Variants in ADGRV1 observed in about 807,000 individuals in gnomAD.
ADGRV1 encodes the protein adhesion G protein-coupled receptor V1.
A neutral mutation model predicts 596.2 loss-of-function variants in ADGRV1; 359 were observed. The observed-to-expected ratio is 0.60, with a 90% CI of 0.55 to 0.66. ADGRV1 has a LOEUF of 0.66. Ranked by LOEUF, ADGRV1 falls within the 30% of genes least tolerant of loss-of-function variation. ADGRV1 has a pLI of 0.00. For missense variants in ADGRV1, 7,274 were observed against 7,575.6 expected, an observed-to-expected ratio of 0.96 and a Z score of 1.48; for synonymous variants, 2,681 against 2,679.2, an observed-to-expected ratio of 1.00 and a Z score of -0.02.
intron 87 of ADGRV1, among the ~76,000 whole-genome samples, chr5:91,115,522 A>G (rs1440208477): frequency 2.0e-5 from 3 of 152,216 alleles, no homozygotes; most frequent in Admixed American, 6.5e-5. Context: ...CACCAAAACT[A>G]AAACAATAAA....
intron 71 of ADGRV1, among the ~76,000 whole-genome samples, chr5:90,803,278 TC>T: frequency 6.6e-6 from 1 of 152,298 alleles, no homozygotes; most frequent in Non-Finnish European, 1.5e-5. Flanking sequence ...GATGGTCAGA[TC>T]CTGTGATATG....
intron 31 of ADGRV1, 73 bp downstream of exon 31, chr5:90,691,114 T>G: frequency 1.9e-6 from 3 of 1,544,602 alleles, no homozygotes; most frequent in Non-Finnish European, 2.7e-6. Context: ...CAGATGGCCA[T>G]TGTAACATTT....
At chr5:91,085,240 A>G (rs1305426810) in intron 86 of ADGRV1, among the ~76,000 whole-genome samples, 1 of 152,166 alleles carries the variant, frequency 6.6e-6, no homozygotes. Context: ...AAAAAATATT[A>G]TATATGTATA....
At chr5:90,720,491 T>C (rs1750772391) in intron 44 of ADGRV1, among the ~76,000 whole-genome samples, 1 of 152,216 alleles carries the variant, frequency 6.6e-6, no homozygotes, top group Non-Finnish European at 1.5e-5. Flanking sequence ...TGTACTATTT[T>C]GTGTTTTAAA....
chr5:90,759,197 A>T (rs1325550017), intron 57 of ADGRV1, among the ~76,000 whole-genome samples: 2 of 152,242 alleles, frequency 1.3e-5, no homozygotes, highest in African/African-American at 2.4e-5. Context: ...ATAAATATAC[A>T]TGCCATAAAT....
intron 77 of ADGRV1, among the ~76,000 whole-genome samples, chr5:90,829,865 A>T (rs1307870837): frequency 6.6e-6 from 1 of 152,158 alleles, no homozygotes; most frequent in East Asian, 1.9e-4. Flanking sequence ...TGTTAGGATC[A>T]TAGCTGACCC....
chr5:90,952,233 T>G (rs1777119723), intron 83 of ADGRV1, among the ~76,000 whole-genome samples: 1 of 152,180 alleles, frequency 6.6e-6, no homozygotes, highest in Non-Finnish European at 1.5e-5. Flanking sequence ...CCTCCCTCTG[T>G]TTTCTCTCTG....
At chr5:90,732,788 C>G (rs530650176) in intron 50 of ADGRV1, among the ~76,000 whole-genome samples, 1 of 152,286 alleles carries the variant, frequency 6.6e-6, no homozygotes, top group South Asian at 2.1e-4. Flanking sequence ...CTGCTAAGTT[C>G]TGTACACTCA....
chr5:90,823,380 G>T, intron 75 of ADGRV1, 45 bp from the exon 76 acceptor site: 1 of 1,585,038 alleles, frequency 6.3e-7, no homozygotes, highest in Non-Finnish European at 8.6e-7. Context: ...TTAGACATGG[G>T]GATGACACCC....
chr5:90,616,744 T>C (rs1356361594), intron 2 of ADGRV1, among the ~76,000 whole-genome samples: 1 of 152,164 alleles, frequency 6.6e-6, no homozygotes, highest in African/African-American at 2.4e-5. Flanking sequence ...ATCTTTTCTT[T>C]GTGTTGGAAG....
In ADGRV1 at chr5:90,968,094, A is replaced by C. The variant is rs537935219; in HGVS notation, c.17973+2563A>C. Among the ~76,000 whole-genome samples the C allele has an allele frequency of 1.2e-4, 18 of 152,318 alleles. No individual in the cohort carries two copies. In the South Asian group the frequency reaches 3.7e-3, roughly 32 times the overall value. On this transcript the variant is annotated intron_variant, in intron 84 of 89. Transcript: ENST00000405460. ...GACATAACTAACCTGGAAAGAATTTAGGTAAATGTGATGGCTGTCTACAAA... is the reference window on the plus strand; with the variant it reads ...GACATAACTAACCTGGAAAGAATTTCGGTAAATGTGATGGCTGTCTACAAA...
chr5:90,835,797 A>G (rs1764921792), intron 77 of ADGRV1, among the ~76,000 whole-genome samples: 1 of 152,194 alleles, frequency 6.6e-6, no homozygotes, highest in African/African-American at 2.4e-5. Context: ...AGATATTCCC[A>G]GATGAAGGAA....
chr5:91,155,981 T>A (rs1031152393), intron 89 of ADGRV1, among the ~76,000 whole-genome samples: 2 of 152,164 alleles, frequency 1.3e-5, no homozygotes, highest in African/African-American at 4.8e-5. Flanking sequence ...GAGGAAAGAC[T>A]GAGGGACAAT....
At chr5:90,998,036 G>T (rs1359667062) in intron 85 of ADGRV1, among the ~76,000 whole-genome samples, 1 of 152,180 alleles carries the variant, frequency 6.6e-6, no homozygotes, top group African/African-American at 2.4e-5. Context: ...AAGTCCTGAA[G>T]AGTTGCTTAC....
intron 1 of ADGRV1, among the ~76,000 whole-genome samples, chr5:90,582,612 T>A (rs1342162789): frequency 6.6e-6 from 1 of 152,206 alleles, no homozygotes. Flanking sequence ...TCACCCAGGC[T>A]GGAGTATAGT....
chr5:90,585,392 T>C (rs918518001), intron 1 of ADGRV1, among the ~76,000 whole-genome samples: 9 of 152,144 alleles, frequency 5.9e-5, no homozygotes, highest in Admixed American at 3.3e-4. Flanking sequence ...ACAAAACCCC[T>C]TGGAGAGTAT....
At chr5:90,893,754 TA>T (rs1771046199) in intron 83 of ADGRV1, among the ~76,000 whole-genome samples, 1 of 152,208 alleles carries the variant, frequency 6.6e-6, no homozygotes, top group African/African-American at 2.4e-5. Context: ...TATTTACTCA[TA>T]AGGATTACTT....
chr5:91,120,666 T>C (rs902813508), intron 87 of ADGRV1, among the ~76,000 whole-genome samples: 5 of 152,082 alleles, frequency 3.3e-5, no homozygotes, highest in Non-Finnish European at 7.4e-5. Context: ...CCATAGCTGA[T>C]CTGAGAAGAG....
chr5:90,639,160 G>T (rs951143262), intron 11 of ADGRV1, among the ~76,000 whole-genome samples: 2 of 151,308 alleles, frequency 1.3e-5, no homozygotes, highest in East Asian at 3.9e-4. Flanking sequence ...TTTCAGACTC[G>T]ATCTTAAGAA....
Sources: gnomAD v4.1 joint callset for allele counts (sites outside exome capture counted in the v4.1 genomes callset) on GRCh38, gnomAD v4.1.1 for gene constraint, MANE v1.5 for transcripts, NCBI Gene and HGNC (gene_info 2026-07-23, HGNC 2026-07-21) for gene names.